The following ATRNL1 variants were observed in gnomAD, a reference collection of about 807,000 sequenced individuals.
The protein encoded by ATRNL1 is attractin-like protein 1.
ATRNL1 carries 95 observed loss-of-function variants against 182.7 expected under a neutral mutation model. The ratio of observed to expected loss-of-function variants is 0.52; its 90% CI spans 0.44 to 0.62. The LOEUF is 0.62. Among genes scored for constraint, ATRNL1 ranks in the 20% least tolerant of loss-of-function variants. ATRNL1 has a pLI of 0.00. For synonymous variants in ATRNL1, 576 were observed against 568.3 expected (o/e 1.01, Z -0.19); for missense variants, 1,471 against 1,679.5 (o/e 0.88, Z 2.17).
chr10:115,742,273 T>C (rs149965623), intron 27 of ATRNL1, among the ~76,000 whole-genome samples: 2 of 151,630 alleles, frequency 1.3e-5, no homozygotes, highest in African/African-American at 2.4e-5. Flanking sequence ...AGGGAAAAAA[T>C]GTATAGTAGG....
intron 10 of ATRNL1, among the ~76,000 whole-genome samples, chr10:115,254,630 C>T (rs1234110537): frequency 1.3e-5 from 2 of 152,156 alleles, no homozygotes; most frequent in Non-Finnish European, 2.9e-5. Context: ...TGCAGAAGCT[C>T]TTTAGTTTAA....
rs1204254763 is a variant in ATRNL1, at chr10:115,459,886, C to G, written c.3323-2055C>G. On this transcript the variant is annotated intron_variant, in intron 21 of 28. Transcript: ENST00000355044. Reference sequence around the variant, plus strand: ...AAAATTTCTCTCTTTTGTACTCTGTCCCTTTATTTCTCAAGCCAGCCGACG... The same window carrying G: ...AAAATTTCTCTCTTTTGTACTCTGTGCCTTTATTTCTCAAGCCAGCCGACG... Among the ~76,000 whole-genome samples the G allele has an allele frequency of 2.0e-5, 3 of 152,080 alleles. No individual in the cohort carries two copies. The East Asian group carries it at 5.8e-4, about 29-fold the overall frequency.
At chr10:115,548,257 C>T (rs534644218) in intron 25 of ATRNL1, among the ~76,000 whole-genome samples, 9 of 152,294 alleles carry the variant, frequency 5.9e-5, no homozygotes, top group African/African-American at 1.2e-4. Flanking sequence ...CTGGAATGTG[C>T]GCAGCACTCA....
At chr10:115,485,497 C>T (rs1267120329) in intron 24 of ATRNL1, among the ~76,000 whole-genome samples, 2 of 152,010 alleles carry the variant, frequency 1.3e-5, no homozygotes, top group African/African-American at 4.8e-5. Flanking sequence ...AAATGTTTAA[C>T]ATCCAGTCTC....
At chr10:115,174,026 T>C (rs1349049974) in intron 8 of ATRNL1, among the ~76,000 whole-genome samples, 3 of 151,746 alleles carry the variant, frequency 2.0e-5, no homozygotes, top group African/African-American at 7.2e-5. Context: ...CCCTTAACTT[T>C]ATTTTATTTT....
intron 26 of ATRNL1, among the ~76,000 whole-genome samples, chr10:115,608,786 A>G (rs1474069787): frequency 6.6e-6 from 1 of 152,070 alleles, no homozygotes; most frequent in East Asian, 1.9e-4. Flanking sequence ...TTAAAGCTGG[A>G]CAACTTTGGC....
At chr10:115,707,359 T>G (rs1490857592) in intron 26 of ATRNL1, among the ~76,000 whole-genome samples, 1 of 151,770 alleles carries the variant, frequency 6.6e-6, no homozygotes, top group Non-Finnish European at 1.5e-5. Context: ...ATAACACTTT[T>G]TGTATTTCCC....
intron 24 of ATRNL1, among the ~76,000 whole-genome samples, chr10:115,485,708 T>C (rs1661333046): frequency 6.6e-6 from 1 of 152,156 alleles, no homozygotes; most frequent in East Asian, 1.9e-4. Context: ...GCTACAATTA[T>C]TTGAATCTTC....
At chr10:115,942,472 C>G (rs1275567253) in intron 28 of ATRNL1, among the ~76,000 whole-genome samples, 7 of 152,216 alleles carry the variant, frequency 4.6e-5, no homozygotes, top group Non-Finnish European at 1.0e-4. Context: ...GGGCTTGGCC[C>G]TCCCTTGACT....
intron 26 of ATRNL1, among the ~76,000 whole-genome samples, chr10:115,658,478 G>A (rs1429882774): frequency 4.6e-5 from 7 of 151,980 alleles, no homozygotes; most frequent in Non-Finnish European, 8.8e-5. Context: ...CTTCTTCTGT[G>A]GATAATTATG....
At chr10:115,374,453 TTTCC>T (rs149427595) in intron 19 of ATRNL1, among the ~76,000 whole-genome samples, 31,349 of 135,646 alleles carry the variant, frequency 0.23, 3,976 homozygotes, top group South Asian at 0.3. Context: ...CCTTCCTTCC[TTTCC>T]TTCCTTCCTT....
rs369593516 is a variant in ATRNL1, at chr10:115,370,398, C to A, written c.3176-24261C>A. ...GGAAATGTGGGAAAGTGTGGAACTC[C>A]CTAGAGACTTGTTGAATGGCTTTGA... On this transcript the variant is annotated intron_variant, in intron 19 of 28. Transcript: ENST00000355044. 8.1e-4 allele frequency among the ~76,000 whole-genome samples: 124 copies of A among 152,220 alleles called. 2 individuals are homozygous for A. In the South Asian group the frequency reaches 0.025, roughly 31 times the overall value.
intron 24 of ATRNL1, among the ~76,000 whole-genome samples, chr10:115,481,606 C>T (rs1423096149): frequency 6.6e-6 from 1 of 150,802 alleles, no homozygotes; most frequent in South Asian, 2.1e-4. Flanking sequence ...CATTCTACCA[C>T]TATTAACTCA....
chr10:115,622,754 C>T (rs1425479053), intron 26 of ATRNL1, among the ~76,000 whole-genome samples: 36 of 152,050 alleles, frequency 2.4e-4, no homozygotes, highest in Admixed American at 3.9e-4. Flanking sequence ...GGTGAAACCC[C>T]GTCTCTACTA....
chr10:115,325,365 G>A (rs1417332902), intron 18 of ATRNL1, among the ~76,000 whole-genome samples: 1 of 152,126 alleles, frequency 6.6e-6, no homozygotes, highest in African/African-American at 2.4e-5. Context: ...TTGGTAGTGG[G>A]GAATAGAACA....
At chr10:115,570,997 C>T (rs1854357290) in intron 26 of ATRNL1, among the ~76,000 whole-genome samples, 1 of 152,184 alleles carries the variant, frequency 6.6e-6, no homozygotes, top group Non-Finnish European at 1.5e-5. Context: ...TATCTCTCCC[C>T]AACATGGCAC....
intron 1 of ATRNL1, among the ~76,000 whole-genome samples, chr10:115,098,547 C>T (rs1345784841): frequency 2.0e-5 from 3 of 148,476 alleles, no homozygotes; most frequent in Non-Finnish European, 3.0e-5. Context: ...CTGCAAGCTC[C>T]GCTTCCTGGG....
chr10:115,531,207 A>G (rs1182114192), intron 25 of ATRNL1, among the ~76,000 whole-genome samples: 1 of 151,920 alleles, frequency 6.6e-6, no homozygotes, highest in Non-Finnish European at 1.5e-5. Context: ...CGCCACACTG[A>G]CTTCCACAAT....
Position 115,900,374 on chromosome 10 carries a change from C to T in ATRNL1, c.4019-44284C>T, listed in dbSNP as rs141384010. 4.2e-3 allele frequency among the ~76,000 whole-genome samples: 639 copies of T among 152,004 alleles called. 2 individuals carry two copies. Among genetic ancestry groups the T allele is most frequent in the Non-Finnish European group, 6.3e-3 (425 of 67,972 alleles). ...AGATTTCTTTAATATAAATCTCAAA[C>T]GATGAAAAAATTAATTCAGCTACAT... On this transcript the variant is annotated intron_variant, in intron 28 of 28. Coordinates refer to ENST00000355044, the MANE Select transcript of ATRNL1 (RefSeq NM_207303.4).
Sources: allele counts gnomAD v4.1 joint callset (sites outside exome capture counted in the v4.1 genomes callset), GRCh38; gene constraint gnomAD v4.1.1; transcripts MANE v1.5; gene names NCBI Gene and HGNC (gene_info 2026-07-23, HGNC 2026-07-21).